DPH6: variants seen among roughly 807,000 people sequenced by gnomAD.
The protein encoded by DPH6 is diphthine--ammonia ligase.
A neutral mutation model predicts 38.2 loss-of-function variants in DPH6; 33 were observed. That is an observed-to-expected ratio of 0.86 (90% CI 0.65 to 1.15). The LOEUF (loss-of-function observed/expected upper bound fraction) is 1.15. DPH6 is among the 50% of genes most tolerant of loss of function. The pLI is 0.00. For missense variants in DPH6, 325 were observed against 320.0 expected (o/e 1.02, Z -0.12); for synonymous variants, 108 against 103.0 (o/e 1.05, Z -0.30).
chr15:35,442,150 T>C (rs1488317622), intron 5 of DPH6, among the ~76,000 whole-genome samples: 1 of 151,486 alleles, frequency 6.6e-6, no homozygotes, highest in African/African-American at 2.4e-5. Context: ...AAGAGACTTA[T>C]ACTCAGAATA....
At chr15:35,224,577 G>A (rs937502234) in intron 3 of DPH6, among the ~76,000 whole-genome samples, 1 of 152,130 alleles carries the variant, frequency 6.6e-6, no homozygotes, top group Non-Finnish European at 1.5e-5. Context: ...ACTTATTTGG[G>A]TAAATACCAA....
chr15:35,148,285 T>C, the DPH6 span, among the ~76,000 whole-genome samples: 6 of 152,248 alleles, frequency 3.9e-5, no homozygotes, highest in African/African-American at 9.6e-5. Context: ...GTACTATAGT[T>C]TGGCTCCCCA....
At chr15:35,521,702 A>C (rs1258693836) in intron 3 of DPH6, 2 of 1,231,258 alleles carry the variant, frequency 1.6e-6, no homozygotes, top group Non-Finnish European at 2.0e-6. Flanking sequence ...CAGCATATTA[A>C]AATCAATTTT....
intron 3 of DPH6, chr15:35,237,294 C>T (rs1047992344): frequency 1.3e-5 from 20 of 1,550,058 alleles, no homozygotes; most frequent in Middle Eastern, 1.7e-4. Flanking sequence ...TGAATTCCAG[C>T]GGCGCGGGAG....
chr15:35,522,447 G>C (rs1180062066), intron 3 of DPH6, among the ~76,000 whole-genome samples: 2 of 151,822 alleles, frequency 1.3e-5, no homozygotes, highest in Non-Finnish European at 2.9e-5. Context: ...CACCTAACTG[G>C]GACACTGGCT....
At chr15:35,191,853 AT>A in the DPH6 span, among the ~76,000 whole-genome samples, 4 of 152,148 alleles carry the variant, frequency 2.6e-5, no homozygotes, top group African/African-American at 9.7e-5. Flanking sequence ...CCTCTCCCTA[AT>A]TCCTTCCTAC....
At chr15:35,275,718 A>G (rs996096080) in intron 3 of DPH6, among the ~76,000 whole-genome samples, 3 of 151,984 alleles carry the variant, frequency 2.0e-5, no homozygotes, top group East Asian at 3.8e-4. Flanking sequence ...TAAAGTAAAA[A>G]AAAAAAAAAA....
At chr15:35,470,468 G>C (rs1258581301) in intron 3 of DPH6, among the ~76,000 whole-genome samples, 1 of 152,162 alleles carries the variant, frequency 6.6e-6, no homozygotes, top group African/African-American at 2.4e-5. Flanking sequence ...GAACTGAACT[G>C]AAACAGGATA....
intron 3 of DPH6, among the ~76,000 whole-genome samples, chr15:35,307,831 A>C (rs2052105823): frequency 6.6e-6 from 1 of 152,252 alleles, no homozygotes; most frequent in South Asian, 2.1e-4. Flanking sequence ...GAGTGAGCAC[A>C]GTTATCTGGT....
chr15:35,435,704 A>G (rs1566908684), intron 5 of DPH6, among the ~76,000 whole-genome samples: 2 of 152,132 alleles, frequency 1.3e-5, no homozygotes, highest in Non-Finnish European at 2.9e-5. Flanking sequence ...GTTGTGAGAC[A>G]AGAACCCAGA....
chr15:35,525,637 T>C (rs2054988557), intron 3 of DPH6, among the ~76,000 whole-genome samples: 1 of 151,976 alleles, frequency 6.6e-6, no homozygotes. Flanking sequence ...TGACAAAAAT[T>C]GGCCACCCTG....
chr15:35,260,844 G>A (rs1176153489), intron 3 of DPH6, among the ~76,000 whole-genome samples: 1 of 152,068 alleles, frequency 6.6e-6, no homozygotes, highest in African/African-American at 2.4e-5. Context: ...GTTTCCAGAT[G>A]TACTGGGCCT....
At chr15:35,407,404 T>A (rs2140988561) in intron 6 of DPH6, among the ~76,000 whole-genome samples, 2 of 151,974 alleles carry the variant, frequency 1.3e-5, no homozygotes, top group South Asian at 4.1e-4. Context: ...TAATAGACCC[T>A]CAACAAATAT....
At chr15:35,445,110 C>T (rs757974247) in intron 5 of DPH6, among the ~76,000 whole-genome samples, 1 of 152,136 alleles carries the variant, frequency 6.6e-6, no homozygotes, top group African/African-American at 2.4e-5. Context: ...CTGCATAACT[C>T]CAGAGAGGAG....
At chr15:35,325,843 C>A (rs956795672), downstream of DPH6, among the ~76,000 whole-genome samples, 6 of 151,956 alleles carry the variant, frequency 3.9e-5, no homozygotes, top group African/African-American at 1.2e-4. Context: ...ACAAAGTTCT[C>A]ATATCTAGAA....
intron 7 of DPH6, among the ~76,000 whole-genome samples, chr15:35,378,113 G>T (rs2052805961): frequency 1.3e-5 from 2 of 151,878 alleles, no homozygotes; most frequent in Non-Finnish European, 2.9e-5. Context: ...AATCTACAAA[G>T]AACTTAAACA....
chr15:35,162,394 T>A, the DPH6 span, among the ~76,000 whole-genome samples: 3 of 151,998 alleles, frequency 2.0e-5, no homozygotes, highest in South Asian at 4.1e-4. Flanking sequence ...ATCTTTCCAA[T>A]GTTTTGTTTA....
At chr15:35,463,307 C>T (rs932350247) in intron 3 of DPH6, among the ~76,000 whole-genome samples, 2 of 152,042 alleles carry the variant, frequency 1.3e-5, no homozygotes, top group African/African-American at 2.4e-5. Flanking sequence ...TGTTTATTCT[C>T]ATAGTCCCAG....
downstream of DPH6, among the ~76,000 whole-genome samples, chr15:35,214,673 T>C (rs553794306): frequency 3.9e-5 from 6 of 152,274 alleles, no homozygotes; most frequent in African/African-American, 1.2e-4. Flanking sequence ...AGCGGCACGA[T>C]CTCAGCTCAC....
Sources: gnomAD v4.1 joint callset for allele counts (sites outside exome capture counted in the v4.1 genomes callset) on GRCh38, gnomAD v4.1.1 for gene constraint, MANE v1.5 for transcripts, NCBI Gene and HGNC (gene_info 2026-07-23, HGNC 2026-07-21) for gene names.